Variants in CAPZA1 observed in about 807,000 individuals in gnomAD.
CAPZA1 encodes F-actin-capping protein subunit alpha-1.
CAPZA1 carries 10 observed loss-of-function variants against 40.8 expected under a neutral mutation model. The ratio of observed to expected loss-of-function variants is 0.25; its 90% CI spans 0.15 to 0.42. The LOEUF (loss-of-function observed/expected upper bound fraction) is 0.42. Ranked by LOEUF, CAPZA1 falls within the 10% of genes least tolerant of loss-of-function variation. The pLI, the probability that CAPZA1 is intolerant of heterozygous loss-of-function variation, is 1.00. For synonymous variants in CAPZA1, 98 were observed against 115.0 expected (o/e 0.85, Z 0.95); for missense variants, 277 against 353.8 (o/e 0.78, Z 1.74).
intron 5 of CAPZA1, among the ~76,000 whole-genome samples, chr1:112,655,245 C>G (rs1466020433): frequency 6.6e-6 from 1 of 152,104 alleles, no homozygotes; most frequent in East Asian, 1.9e-4. Flanking sequence ...TTTGGGAGGC[C>G]AAGGTGGGCA....
At chr1:112,648,347 C>CTTTTTTTTTTTT (rs35670246) in intron 2 of CAPZA1, among the ~76,000 whole-genome samples, 3 of 99,388 alleles carry the variant, frequency 3.0e-5, no homozygotes, top group Non-Finnish European at 4.1e-5. Flanking sequence ...TTGAATTTTT[C>CTTTTTTTTTTTT]TTTTTTTTTT....
chr1:112,659,316 A>G (rs1027258630), intron 6 of CAPZA1: 5 of 559,018 alleles, frequency 8.9e-6, no homozygotes, highest in Non-Finnish European at 1.6e-5. Flanking sequence ...AGTGATTAGT[A>G]AAGTGCCCTG....
intron 4 of CAPZA1, 25 bp from the exon 5 acceptor site, chr1:112,654,440 C>T: frequency 6.7e-7 from 1 of 1,498,886 alleles, no homozygotes; most frequent in South Asian, 1.2e-5. Context: ...TACAGTTACT[C>T]ATATGTTTAA....
At chr1:112,646,555 C>T (rs1269275137) in intron 1 of CAPZA1, among the ~76,000 whole-genome samples, 1 of 152,150 alleles carries the variant, frequency 6.6e-6, no homozygotes. Context: ...CCAGCCTGGA[C>T]AACAGCCAAG....
chr1:112,649,782 C>G, intron 3 of CAPZA1: 1 of 360,202 alleles, frequency 2.8e-6, no homozygotes, highest in Non-Finnish European at 5.0e-6. Context: ...TTTTAAACAG[C>G]TAGCTATACA....
chr1:112,661,009 C>T (rs1321575067), intron 7 of CAPZA1, among the ~76,000 whole-genome samples: 3 of 151,936 alleles, frequency 2.0e-5, no homozygotes, highest in East Asian at 3.9e-4. Flanking sequence ...AGGCACACAC[C>T]ACCACGCCCA....
intron 4 of CAPZA1, 45 bp downstream of exon 4, chr1:112,653,706 G>A (rs753243318): frequency 1.6e-6 from 2 of 1,289,664 alleles, no homozygotes; most frequent in South Asian, 1.3e-5. Flanking sequence ...AGATAGTAGA[G>A]ATCCTATTAA....
chr1:112,638,272 A>G (rs939013393), intron 1 of CAPZA1, among the ~76,000 whole-genome samples: 1 of 152,130 alleles, frequency 6.6e-6, no homozygotes, highest in African/African-American at 2.4e-5. Flanking sequence ...GCTAAGTGGT[A>G]TGAGTGGAGG....
chr1:112,668,320 GTTAA>G lies in CAPZA1; in HGVS notation c.657+1180_657+1183del, dbSNP rs369589493. On this transcript the variant is annotated intron_variant, in intron 8 of 9. Coordinates refer to ENST00000263168, the MANE Select transcript of CAPZA1 (RefSeq NM_006135.3). ...AAACTAAGAAGTGTTAAAACTATTCGTTAATTAAAAATAATGATAACAAACCCAT... is the reference window on the plus strand; with the variant it reads ...AAACTAAGAAGTGTTAAAACTATTCGTTAAAAATAATGATAACAAACCCAT... 5.7e-4 allele frequency among the ~76,000 whole-genome samples: 86 copies of G among 152,086 alleles called. No homozygotes were observed. The East Asian group carries it at 0.012, about 21-fold the overall frequency.
intron 1 of CAPZA1, among the ~76,000 whole-genome samples, chr1:112,629,036 G>A (rs1172127803): frequency 1.3e-5 from 2 of 152,194 alleles, no homozygotes; most frequent in Non-Finnish European, 2.9e-5. Context: ...GAAGCATCCA[G>A]AGTGATCTGG....
chr1:112,653,647 G>A lies in CAPZA1; in HGVS notation c.205G>A (p.Gly69Arg). Residue 69 changes from glycine (G) to arginine (R), a missense_variant, in exon 4 of 10, where the codon GGA becomes AGA. By Grantham distance (125) the Gly-to-Arg change is moderately radical (BLOSUM62 -2). Around this residue, in one of 2 missense-constraint regions of CAPZA1, gnomAD observed 192 missense variants for 277.2 expected, o/e 0.69. Coordinates refer to ENST00000263168, the MANE Select transcript of CAPZA1 (RefSeq NM_006135.3). ...MDQFTPVKIE[G>R]YEDQVLITEH... is the part of the protein sequence containing the mutation. ...TCAGTTCACGCCTGTGAAGATAGAA[G>A]GATATGAAGATCAGGTAATAATTGC... 1 of 1,602,598 alleles carries A rather than the reference G, an allele frequency of 6.2e-7. No homozygotes were observed. Among genetic ancestry groups the A allele is most frequent in the Non-Finnish European group, 8.5e-7 (1 of 1,173,390 alleles).
At position 112,619,859 on chromosome 1, in the gene CAPZA1, T is replaced by C; in HGVS notation, c.15T>C (p.Asp5=). MADF[D]DRVSDEEKVR... is the part of the protein sequence containing the mutation. The stretch of plus-strand genomic sequence containing the variant: ...AACAGCCCAAGATGGCCGACTTCGA[T>C]GATCGTGTGTCGGATGAGGAGAAGG... The change falls in exon 1 of 10, where the codon GAT becomes GAC. Residue 5 remains aspartate, a synonymous_variant. Coordinates refer to ENST00000263168, the MANE Select transcript of CAPZA1 (RefSeq NM_006135.3). 3 of 1,613,116 alleles carry C rather than the reference T, an allele frequency of 1.9e-6. No homozygotes were observed. The highest frequency in any genetic ancestry group is 2.7e-5 in the African/African-American group (2 of 75,036).
rs34728417 is a variant in CAPZA1 at position 112,645,736 on chromosome 1, CAAAAAAAAA to C, written c.40-1464_40-1456del. 1.3e-4 allele frequency among the ~76,000 whole-genome samples: 14 copies of C among 107,012 alleles called. No homozygotes were observed. The East Asian group carries it at 3.4e-3, about 26-fold the overall frequency. 70.2% of individuals were successfully genotyped at this position (107,012 alleles called of 152,430 possible). A position where few individuals can be genotyped will look rare whatever the true frequency, so the allele number is the denominator to read the frequency against. ...GCTTTGCTCTACATACTTGCCAGTG[CAAAAAAAAA>C]AAAAAAAAAGACAAAAGGAATTACC... On this transcript the variant is annotated intron_variant, in intron 1 of 9. Transcript: ENST00000263168.
intron 3 of CAPZA1, among the ~76,000 whole-genome samples, chr1:112,651,272 A>G (rs1047118427): frequency 6.6e-6 from 1 of 152,220 alleles, no homozygotes; most frequent in African/African-American, 2.4e-5. Context: ...TTTCATTCTG[A>G]CAGAGATAGG....
At chr1:112,645,368 T>A (rs1671260108) in intron 1 of CAPZA1, among the ~76,000 whole-genome samples, 2 of 152,226 alleles carry the variant, frequency 1.3e-5, no homozygotes, top group Non-Finnish European at 2.9e-5. Flanking sequence ...CTCACACCTG[T>A]AATCTCAATG....
intron 1 of CAPZA1, among the ~76,000 whole-genome samples, chr1:112,633,754 T>C (rs917625427): frequency 1.3e-5 from 2 of 152,222 alleles, no homozygotes; most frequent in Non-Finnish European, 2.9e-5. Context: ...CAAGACTTGT[T>C]ATCATTTGTC....
intron 3 of CAPZA1, among the ~76,000 whole-genome samples, chr1:112,653,083 G>A (rs941886085): frequency 6.6e-6 from 1 of 152,198 alleles, no homozygotes; most frequent in Non-Finnish European, 1.5e-5. Context: ...TTCCAAAATA[G>A]TGTATCAATG....
chr1:112,645,659 A>T (rs1353296463), intron 1 of CAPZA1, among the ~76,000 whole-genome samples: 1 of 151,914 alleles, frequency 6.6e-6, no homozygotes, highest in Non-Finnish European at 1.5e-5. Context: ...ACAAAAATTA[A>T]ATAAGTAGTT....
intron 1 of CAPZA1, among the ~76,000 whole-genome samples, chr1:112,626,402 T>C (rs1261252561): frequency 6.7e-6 from 1 of 149,812 alleles, no homozygotes; most frequent in Non-Finnish European, 1.5e-5. Flanking sequence ...GAGACTAGCC[T>C]GGGCAACATA....
Sources: allele counts gnomAD v4.1 joint callset (sites outside exome capture counted in the v4.1 genomes callset), GRCh38; gene constraint gnomAD v4.1.1; regional missense constraint gnomAD v4.1.1; transcripts MANE v1.5; gene names NCBI Gene and HGNC (gene_info 2026-07-23, HGNC 2026-07-21).